The following KCNQ2 variants were observed in gnomAD, a reference collection of about 807,000 sequenced individuals.
The protein encoded by KCNQ2 is potassium voltage-gated channel subfamily Q member 2.
KCNQ2 carries 14 observed loss-of-function variants against 84.8 expected under a neutral mutation model. That is an observed-to-expected ratio of 0.17 (90% CI 0.11 to 0.26). The LOEUF is 0.26. Among genes scored for constraint, KCNQ2 ranks in the 10% least tolerant of loss-of-function variants. KCNQ2 has a pLI of 1.00. For synonymous variants in KCNQ2, 599 were observed against 554.1 expected (o/e 1.08, Z -1.14); for missense variants, 788 against 1,254.0 (o/e 0.63, Z 5.61).
intron 14 of KCNQ2, among the ~76,000 whole-genome samples, chr20:63,413,828 G>A (rs1384292654): frequency 6.6e-6 from 1 of 152,228 alleles, no homozygotes; most frequent in Non-Finnish European, 1.5e-5. Context: ...GAAGGTGGCT[G>A]AGTTGCTTCC....
Position 63,414,039 on chromosome 20 carries a change from G to A in KCNQ2, c.1631+49C>T, listed in dbSNP as rs1172920573. 82 of 1,397,816 alleles carry A rather than the reference G, an allele frequency of 5.9e-5. No individual in the cohort carries two copies. The highest frequency in any genetic ancestry group is 7.9e-5 in the Non-Finnish European group (78 of 984,142). The allele number at this position is 1,397,816 out of a possible 1,614,324, so 86.6% of individuals were successfully genotyped here. On this transcript the variant is annotated intron_variant, in intron 14 of 16. Transcript: ENST00000359125. This position sits in a 1 kb window ranked among gnomAD's most constrained non-coding sequence, Gnocchi z 6.6. ...CGGCAGCAGGCAGGACCACCGAGCG[G>A]GAGGCCCCTCCTCACTCCCCCAGGC...
chr20:63,456,482 C>T (rs2081800588), intron 1 of KCNQ2, among the ~76,000 whole-genome samples: 3 of 152,128 alleles, frequency 2.0e-5, no homozygotes, highest in Admixed American at 2.0e-4. Flanking sequence ...TAAATGAAAA[C>T]GGAACACGTG....
At chr20:63,421,408 T>A (rs774682499) in intron 11 of KCNQ2, among the ~76,000 whole-genome samples, 3 of 152,190 alleles carry the variant, frequency 2.0e-5, no homozygotes, top group African/African-American at 4.8e-5. Context: ...AGGGAGGCGC[T>A]GCAGGCACAG....
chr20:63,402,056 C>A lies in KCNQ2; in HGVS notation c.*4588G>T. The A allele has an allele frequency of 6.7e-6, 1 of 148,974 alleles. No individual in the cohort carries two copies. 9.2% of individuals were successfully genotyped at this position (148,974 alleles called of 1,614,324 possible). On this transcript the variant is annotated 3_prime_UTR_variant, in exon 17 of 17. Coordinates refer to ENST00000359125, the MANE Select transcript of KCNQ2 (RefSeq NM_172107.4). ...GCCCTGTGAACCATCCCTCTCACAC[C>A]ACGTCTGCCGGGCACCCTCCATGGC...
intron 5 of KCNQ2, 51 bp from the exon 6 acceptor site, chr20:63,439,759 G>A (rs1295150762): frequency 7.0e-7 from 1 of 1,423,118 alleles, no homozygotes; most frequent in South Asian, 1.1e-5. Context: ...ACACCCCTGA[G>A]GGCAGGCTGG....
At chr20:63,434,814 C>G (rs1450048067) in intron 7 of KCNQ2, 2 of 152,278 alleles carry the variant, frequency 1.3e-5, no homozygotes, top group East Asian at 3.8e-4. Context: ...ATGGATAAAT[C>G]ACATTCCGTT....
chr20:63,408,285 G>A lies in KCNQ2; in HGVS notation c.1887+128C>T, dbSNP rs933414573. The A allele has an allele frequency of 9.4e-5, 111 of 1,184,974 alleles. No individual in the cohort carries two copies. The highest frequency in any genetic ancestry group is 1.3e-4 in the Non-Finnish European group (111 of 835,800). The allele number at this position is 1,184,974 out of a possible 1,614,324, so 73.4% of individuals were successfully genotyped here. A position where few individuals can be genotyped will look rare whatever the true frequency, so the allele number is the denominator to read the frequency against. On this transcript the variant is annotated intron_variant, in intron 16 of 16. Coordinates refer to ENST00000359125, the MANE Select transcript of KCNQ2 (RefSeq NM_172107.4). This position sits in a 1 kb window ranked among gnomAD's most constrained non-coding sequence, Gnocchi z 5.0. ...CACAGAGCAGCTGTCAGTGGTGACA[G>A]GGCCATGTAAACCCTAGACTTGAGG...
intron 15 of KCNQ2, chr20:63,411,104 T>C (rs930229390): frequency 1.4e-5 from 6 of 424,966 alleles, no homozygotes; most frequent in Middle Eastern, 4.9e-4. Context: ...TCAAAAACAC[T>C]AATTAGGATG....
intron 10 of KCNQ2, among the ~76,000 whole-genome samples, chr20:63,427,734 C>T (rs1020815384): frequency 2.0e-5 from 3 of 152,200 alleles, no homozygotes; most frequent in South Asian, 4.1e-4. Flanking sequence ...AGGGCCCGCC[C>T]GGAAAATCCA....
chr20:63,435,882 T>A (rs2080980335), intron 7 of KCNQ2, among the ~76,000 whole-genome samples: 1 of 44,190 alleles, frequency 2.3e-5, no homozygotes, highest in Non-Finnish European at 4.4e-5. Context: ...CTCGCCACAC[T>A]GGCTCATCTC....
At chr20:63,454,820 T>A (rs1236163418) in intron 1 of KCNQ2, among the ~76,000 whole-genome samples, 1 of 152,200 alleles carries the variant, frequency 6.6e-6, no homozygotes, top group Admixed American at 6.5e-5. Context: ...TCCCTGCCCA[T>A]GTGGCCTCAG....
chr20:63,411,137 C>G (rs904844844), intron 15 of KCNQ2: 2 of 402,618 alleles, frequency 5.0e-6, no homozygotes, highest in Non-Finnish European at 9.9e-6. Flanking sequence ...AAGCCAGCAC[C>G]GGAGCTGCTG....
At chr20:63,462,105 C>T (rs1156669758) in intron 1 of KCNQ2, among the ~76,000 whole-genome samples, 34 of 89,192 alleles carry the variant, frequency 3.8e-4, no homozygotes, top group Middle Eastern at 0.016. Context: ...AGGCTGCACC[C>T]ACCCCAGGGA....
intron 1 of KCNQ2, among the ~76,000 whole-genome samples, chr20:63,447,849 G>A (rs897194273): frequency 7.2e-5 from 11 of 152,076 alleles, no homozygotes; most frequent in African/African-American, 1.4e-4. Flanking sequence ...CTCCCGCCTC[G>A]GCCCCCCAAA....
chr20:63,428,365 A>G lies in KCNQ2; in HGVS notation c.1217+2T>C. 1 of 1,564,892 alleles carries G rather than the reference A, an allele frequency of 6.4e-7. No homozygotes were observed. Among genetic ancestry groups the G allele is most frequent in the Non-Finnish European group, 8.7e-7 (1 of 1,154,146 alleles). ...CGCCCCACCTGGAGCTCCCCAGCTGACCTGAAAGCGAGTCCAGATTTACTC... is the reference window on the plus strand; with the variant it reads ...CGCCCCACCTGGAGCTCCCCAGCTGGCCTGAAAGCGAGTCCAGATTTACTC... On this transcript the variant is annotated splice_donor_variant, in intron 10 of 16. Transcript: ENST00000359125. LOFTEE classifies it high-confidence loss of function.
chr20:63,405,997 C>T lies in KCNQ2; in HGVS notation c.*647G>A, dbSNP rs548197187. ...CGGCTGCAGGCGAAGGTCTCCACCT[C>T]GGGGCTGGCTTCCATGGAAAGAGCC... On this transcript the variant is annotated 3_prime_UTR_variant, in exon 17 of 17. Coordinates refer to ENST00000359125, the MANE Select transcript of KCNQ2 (RefSeq NM_172107.4). 7 of 152,318 alleles carry T rather than the reference C, an allele frequency of 4.6e-5. No homozygotes were observed. The highest frequency in any genetic ancestry group is 1.9e-4 in the East Asian group (1 of 5,196). The allele number at this position is 152,318 out of a possible 1,614,324, so 9.4% of individuals were successfully genotyped here. A position where few individuals can be genotyped will look rare whatever the true frequency, so the allele number is the denominator to read the frequency against.
At position 63,424,364 on chromosome 20, in the gene KCNQ2, A is replaced by G. The variant is rs2145616754; in HGVS notation, c.1218-158T>C. The G allele has an allele frequency of 1.4e-5, 12 of 828,774 alleles. No homozygotes were observed. In the South Asian group the frequency reaches 1.8e-4, roughly 12 times the overall value. The allele number at this position is 828,774 out of a possible 1,614,324, so 51.3% of individuals were successfully genotyped here. Reference sequence around the variant, plus strand: ...GGGGTGGAGCTGGCCCACCCACCCCAGAGAGCCCACGGCCCCAGGAACGGG... The same window carrying G: ...GGGGTGGAGCTGGCCCACCCACCCCGGAGAGCCCACGGCCCCAGGAACGGG... On this transcript the variant is annotated intron_variant, in intron 10 of 16. Coordinates refer to ENST00000359125, the MANE Select transcript of KCNQ2 (RefSeq NM_172107.4).
rs939250131 is a variant in KCNQ2, at chr20:63,460,325, C to T, written c.296+11843G>A. ...CCCCCCACCCTCAACAAGGGGGCTCCTCCTGAGACATCCCACACTCCCTTC... is the reference window on the plus strand; with the variant it reads ...CCCCCCACCCTCAACAAGGGGGCTCTTCCTGAGACATCCCACACTCCCTTC... On this transcript the variant is annotated intron_variant, in intron 1 of 16. Transcript: ENST00000359125. The surrounding 1 kb of genome is among the most constrained non-coding windows in gnomAD (Gnocchi z 5.4). Among the ~76,000 whole-genome samples, 9 of 152,158 alleles carry T rather than the reference C, an allele frequency of 5.9e-5. No individual in the cohort carries two copies. The highest frequency in any genetic ancestry group is 1.2e-4 in the Non-Finnish European group (8 of 67,994).
chr20:63,422,076 T>C (rs1460797572), intron 11 of KCNQ2, among the ~76,000 whole-genome samples: 3 of 151,916 alleles, frequency 2.0e-5, no homozygotes, highest in Admixed American at 1.3e-4. Flanking sequence ...ACCAGCGGGG[T>C]CCTGCCATGC....
Sources: allele counts gnomAD v4.1 joint callset (sites outside exome capture counted in the v4.1 genomes callset), GRCh38; gene constraint gnomAD v4.1.1; non-coding constraint Gnocchi (gnomAD v3.1); transcripts MANE v1.5; gene names NCBI Gene and HGNC (gene_info 2026-07-23, HGNC 2026-07-21).